The following DZANK1 variants were observed in gnomAD, a reference collection of about 807,000 sequenced individuals.
The protein encoded by DZANK1 is double zinc ribbon and ankyrin repeat-containing protein 1.
A neutral mutation model predicts 94.5 loss-of-function variants in DZANK1; 91 were observed. The ratio of observed to expected loss-of-function variants is 0.96; its 90% CI spans 0.81 to 1.15. The LOEUF is 1.15. Among genes scored for constraint, DZANK1 ranks in the 50% most tolerant of loss-of-function variants. The pLI, the probability that DZANK1 is intolerant of heterozygous loss-of-function variation, is 0.00. For synonymous variants in DZANK1, 312 were observed against 325.3 expected (o/e 0.96, Z 0.44); for missense variants, 903 against 916.4 (o/e 0.99, Z 0.19).
intron 13 of DZANK1, among the ~76,000 whole-genome samples, chr20:18,403,030 C>G (rs2056765375): frequency 1.3e-5 from 2 of 152,196 alleles, no homozygotes; most frequent in Non-Finnish European, 2.9e-5. Context: ...CAGATGAGTA[C>G]ACAGGGCTCC....
At chr20:18,433,688 A>G (rs1223248201) in exon 9 of DZANK1, 1 of 1,614,046 alleles carries the variant, frequency 6.2e-7, no homozygotes, top group Non-Finnish European at 8.5e-7. Flanking sequence ...GCAGCTGTAG[A>G]GCAAGAGGGG....
intron 17 of DZANK1, among the ~76,000 whole-genome samples, chr20:18,392,070 C>T (rs1407767137): frequency 6.6e-6 from 1 of 152,116 alleles, no homozygotes; most frequent in Non-Finnish European, 1.5e-5. Flanking sequence ...CAAAAATAAT[C>T]ACTGAATGAG....
At chr20:18,411,554 G>T (rs1332944069) in intron 13 of DZANK1, among the ~76,000 whole-genome samples, 1 of 151,936 alleles carries the variant, frequency 6.6e-6, no homozygotes, top group Non-Finnish European at 1.5e-5. Flanking sequence ...TTAAATAATA[G>T]TTAATACCAA....
exon 5 of DZANK1, chr20:18,453,811 A>T: frequency 6.2e-7 from 1 of 1,605,238 alleles, no homozygotes; most frequent in East Asian, 2.2e-5. Context: ...TGATCCAACA[A>T]ATCCATTTTT....
At chr20:18,421,880 C>T (rs2057798014) in intron 10 of DZANK1, among the ~76,000 whole-genome samples, 1 of 152,142 alleles carries the variant, frequency 6.6e-6, no homozygotes, top group South Asian at 2.1e-4. Context: ...TGCAGGACTG[C>T]TCCCTTTGCC....
intron 7 of DZANK1, 85 bp from the exon 8 acceptor site, chr20:18,443,549 GTT>G: frequency 1.3e-6 from 1 of 750,976 alleles, no homozygotes; most frequent in Non-Finnish European, 2.1e-6. Context: ...CGGTCAAACA[GTT>G]TTAAACACAA....
At chr20:18,403,226 G>C (rs1280424104) in intron 13 of DZANK1, among the ~76,000 whole-genome samples, 1 of 152,162 alleles carries the variant, frequency 6.6e-6, no homozygotes, top group African/African-American at 2.4e-5. Flanking sequence ...TTTGATCTGG[G>C]ACACTGAGAA....
At chr20:18,390,603 T>C (rs11905799) in intron 17 of DZANK1, 144 bp from the exon 18 acceptor site, 8 of 700,898 alleles carry the variant, frequency 1.1e-5, no homozygotes, top group African/African-American at 7.1e-5. Flanking sequence ...TGGTCTTTAA[T>C]AGCCCACAGC....
intron 11 of DZANK1, among the ~76,000 whole-genome samples, chr20:18,414,888 A>G (rs971819807): frequency 1.5e-4 from 23 of 152,242 alleles, no homozygotes; most frequent in Non-Finnish European, 3.1e-4. Context: ...TTATACATGC[A>G]TTGAATAGCT....
Position 18,390,376 on chromosome 20 carries a change from T to TA in DZANK1, c.1890+2dup. On this transcript the variant is annotated splice_region_variant and intron_variant, in intron 18 of 20. Transcript: ENST00000262547. ...AGAGACTGGCTCCTTTGGCAACACT[T>TA]ACCTCATCCAGCAGCTGTTCAATCA... 14 of 1,613,802 alleles carry TA rather than the reference T, an allele frequency of 8.7e-6. No individual in the cohort carries two copies. Among genetic ancestry groups the TA allele is most frequent in the Non-Finnish European group, 1.2e-5 (14 of 1,179,730 alleles).
exon 14 of DZANK1, chr20:18,398,554 C>T (rs574023983): frequency 1.1e-5 from 18 of 1,613,816 alleles, no homozygotes; most frequent in East Asian, 4.5e-5. Flanking sequence ...AATCAAGGCC[C>T]GGAATTCAGG....
chr20:18,426,271 G>C (rs1323423271), intron 10 of DZANK1, among the ~76,000 whole-genome samples: 1 of 152,190 alleles, frequency 6.6e-6, no homozygotes, highest in Non-Finnish European at 1.5e-5. Context: ...ATGATCTGAG[G>C]AGGAGCAGTT....
chr20:18,461,999 C>G (rs2059489513), intron 2 of DZANK1, among the ~76,000 whole-genome samples: 1 of 151,972 alleles, frequency 6.6e-6, no homozygotes, highest in African/African-American at 2.4e-5. Flanking sequence ...TATTTGACCA[C>G]AATCTTCCTC....
In DZANK1 at chr20:18,433,633, C is replaced by T. The variant is rs1568970513; in HGVS notation, c.861+19G>A. The T allele has an allele frequency of 6.2e-7, 1 of 1,605,926 alleles. No individual in the cohort carries two copies. On this transcript the variant is annotated intron_variant, in intron 9 of 20. Transcript: ENST00000262547. ...ACTATGTATTTCATTCATGTTTTTA[C>T]AGAATCACATTTCATTACCTTCAAG...
intron 13 of DZANK1, among the ~76,000 whole-genome samples, chr20:18,405,316 A>G (rs1309814665): frequency 6.6e-6 from 1 of 152,230 alleles, no homozygotes; most frequent in Non-Finnish European, 1.5e-5. Flanking sequence ...ACTAAAATAG[A>G]TAATTCACAA....
chr20:18,404,033 G>C (rs7272860), intron 13 of DZANK1, among the ~76,000 whole-genome samples: 100,093 of 151,640 alleles, frequency 0.66, 33,195 homozygotes, highest in East Asian at 0.8. Context: ...CTCCTGAGAC[G>C]GCCCACCTCG....
chr20:18,448,643 C>A (rs1179564287), intron 7 of DZANK1, among the ~76,000 whole-genome samples: 4 of 152,010 alleles, frequency 2.6e-5, no homozygotes, highest in Non-Finnish European at 5.9e-5. Context: ...CCGAGGTGGG[C>A]AGATCACGAG....
In DZANK1 at chr20:18,410,064, G is replaced by A. The variant is rs528962480; in HGVS notation, c.1432+2582C>T. Among the ~76,000 whole-genome samples the A allele has an allele frequency of 2.2e-3, 326 of 147,728 alleles. 2 individuals are homozygous for A. The highest frequency in any genetic ancestry group is 3.7e-3 in the Non-Finnish European group (250 of 67,230). On this transcript the variant is annotated intron_variant, in intron 13 of 20. Coordinates refer to ENST00000262547, the Ensembl canonical transcript of DZANK1. ...AAAAAAAAAAAAAAAAGGGAGGTGA[G>A]TAAGAGCAAAGCTTCATTGGGCTTA...
At chr20:18,398,948 A>G (rs2148291661) in intron 13 of DZANK1, among the ~76,000 whole-genome samples, 1 of 152,102 alleles carries the variant, frequency 6.6e-6, no homozygotes, top group South Asian at 2.1e-4. Context: ...CCTGGCCAAC[A>G]TGGTGAAACC....
Sources: allele counts gnomAD v4.1 joint callset (sites outside exome capture counted in the v4.1 genomes callset), GRCh38; gene constraint gnomAD v4.1.1; transcripts MANE v1.5; gene names NCBI Gene and HGNC (gene_info 2026-07-23, HGNC 2026-07-21).